ZNF652: variants seen among roughly 807,000 people sequenced by gnomAD.
The protein encoded by ZNF652 is zinc finger protein 652.
In ZNF652, 16 loss-of-function variants were observed where a neutral mutation model predicts 45.2. The ratio of observed to expected loss-of-function variants is 0.35; its 90% CI spans 0.24 to 0.54. The LOEUF (loss-of-function observed/expected upper bound fraction) is 0.54. Ranked by LOEUF, ZNF652 falls within the 20% of genes least tolerant of loss-of-function variation. The pLI is 0.91. For synonymous variants in ZNF652, 250 were observed against 260.6 expected (o/e 0.96, Z 0.39); for missense variants, 614 against 765.6 (o/e 0.80, Z 2.34).
rs546089726 is a variant in ZNF652, at chr17:49,358,658, T to G, written c.-259+3251A>C. 2.0e-5 allele frequency among the ~76,000 whole-genome samples: 3 copies of G among 152,288 alleles called. No homozygotes were observed. In the East Asian group the frequency reaches 5.8e-4, roughly 29 times the overall value. On this transcript the variant is annotated intron_variant, in intron 1 of 5. Transcript: ENST00000430262. ...CAAAAACAAAATCACATCAGTAGCATTACTAATCAACTTTTTTTTTCTACA... is the reference window on the plus strand; with the variant it reads ...CAAAAACAAAATCACATCAGTAGCAGTACTAATCAACTTTTTTTTTCTACA...
intron 1 of ZNF652, among the ~76,000 whole-genome samples, chr17:49,332,828 A>G (rs1449412315): frequency 2.0e-5 from 3 of 151,770 alleles, no homozygotes; most frequent in Non-Finnish European, 1.5e-5. Flanking sequence ...ATTTTTCTCT[A>G]CCTCTTTCCT....
intron 5 of ZNF652, among the ~76,000 whole-genome samples, chr17:49,304,878 G>GTGTGTA (rs946241503): frequency 1.0e-4 from 15 of 149,226 alleles, no homozygotes; most frequent in African/African-American, 3.0e-4. Context: ...ATATATATGT[G>GTGTGTA]TATATATATA....
intron 5 of ZNF652, among the ~76,000 whole-genome samples, chr17:49,308,171 T>A (rs908990521): frequency 6.6e-6 from 1 of 152,166 alleles, no homozygotes; most frequent in Non-Finnish European, 1.5e-5. Flanking sequence ...AAGTATGTGT[T>A]ACTCTTTTTT....
intron 5 of ZNF652, among the ~76,000 whole-genome samples, chr17:49,306,329 G>A (rs2069628213): frequency 6.6e-6 from 1 of 152,164 alleles, no homozygotes; most frequent in Admixed American, 6.5e-5. Flanking sequence ...AAATAAACAT[G>A]TTCACTCTTA....
At chr17:49,347,563 T>A (rs1388133727) in intron 1 of ZNF652, among the ~76,000 whole-genome samples, 2 of 151,984 alleles carry the variant, frequency 1.3e-5, no homozygotes, top group Non-Finnish European at 1.5e-5. Flanking sequence ...AGACTCTGTC[T>A]TTAAATATAT....
At chr17:49,324,242 T>C (rs936861403) in intron 1 of ZNF652, among the ~76,000 whole-genome samples, 1 of 152,222 alleles carries the variant, frequency 6.6e-6, no homozygotes, top group Non-Finnish European at 1.5e-5. Flanking sequence ...ACTTTTCTTC[T>C]GTAGCTTCCT....
At chr17:49,334,865 G>C (rs2070063632) in intron 1 of ZNF652, among the ~76,000 whole-genome samples, 1 of 151,742 alleles carries the variant, frequency 6.6e-6, no homozygotes, top group Admixed American at 6.6e-5. Flanking sequence ...AAAGAAGCCA[G>C]ACATAACAGG....
chr17:49,327,500 G>A (rs191046239), intron 1 of ZNF652, among the ~76,000 whole-genome samples: 1 of 151,594 alleles, frequency 6.6e-6, no homozygotes, highest in East Asian at 2.0e-4. Context: ...AAACATTTAT[G>A]AAGTGCCTAC....
chr17:49,318,785 G>T (rs555646744), intron 1 of ZNF652, among the ~76,000 whole-genome samples: 1 of 152,320 alleles, frequency 6.6e-6, no homozygotes, highest in African/African-American at 2.4e-5. Context: ...AACAAAGGGG[G>T]TAGTGGGGCA....
At chr17:49,312,159 CTTTTTTTTTTT>C (rs34553823) in intron 3 of ZNF652, 117 bp from the exon 4 acceptor site, 14 of 139,094 alleles carry the variant, frequency 1.0e-4, no homozygotes, top group Middle Eastern at 3.6e-3. Context: ...ATTTGTGAGG[CTTTTTTTTTTT>C]TTTTTTTTTT....
chr17:49,344,178 G>A (rs1320575796), intron 1 of ZNF652, among the ~76,000 whole-genome samples: 1 of 150,162 alleles, frequency 6.7e-6, no homozygotes, highest in Non-Finnish European at 1.5e-5. Context: ...TCCAGCCTGG[G>A]GGACAGAGCG....
intron 1 of ZNF652, among the ~76,000 whole-genome samples, chr17:49,333,494 G>T (rs1157498461): frequency 1.4e-5 from 2 of 143,804 alleles, no homozygotes. Context: ...TGGATCACAA[G>T]GTCAGGAGAT....
intron 1 of ZNF652, among the ~76,000 whole-genome samples, chr17:49,324,134 C>T (rs1391962194): frequency 6.6e-6 from 1 of 152,224 alleles, no homozygotes; most frequent in African/African-American, 2.4e-5. Context: ...CTTGCTGGAG[C>T]TTCTACATCA....
chr17:49,356,841 T>C (rs2070342774), intron 1 of ZNF652, among the ~76,000 whole-genome samples: 1 of 152,170 alleles, frequency 6.6e-6, no homozygotes, highest in Non-Finnish European at 1.5e-5. Flanking sequence ...GCTCACAGAC[T>C]TATCACAACG....
At chr17:49,334,412 A>G (rs2070058742) in intron 1 of ZNF652, among the ~76,000 whole-genome samples, 1 of 152,044 alleles carries the variant, frequency 6.6e-6, no homozygotes, top group South Asian at 2.1e-4. Flanking sequence ...TGAGCCTGGG[A>G]GGTTGAGGCT....
chr17:49,325,179 C>T (rs1046035419), intron 1 of ZNF652, among the ~76,000 whole-genome samples: 1 of 152,116 alleles, frequency 6.6e-6, no homozygotes, highest in Non-Finnish European at 1.5e-5. Context: ...TGATTTCTAG[C>T]TTTTGATTTA....
At chr17:49,324,854 C>T (rs2069939706) in intron 1 of ZNF652, among the ~76,000 whole-genome samples, 1 of 151,118 alleles carries the variant, frequency 6.6e-6, no homozygotes, top group African/African-American at 2.4e-5. Flanking sequence ...ATTTCTCCTG[C>T]CTCAGCCTAC....
intron 1 of ZNF652, among the ~76,000 whole-genome samples, chr17:49,335,444 T>G (rs1425355939): frequency 6.6e-6 from 1 of 152,122 alleles, no homozygotes; most frequent in East Asian, 1.9e-4. Context: ...TGATTATTTG[T>G]GTCTATTCTG....
chr17:49,338,703 T>C lies in ZNF652; in HGVS notation c.-258-20720A>G, dbSNP rs140081359. On this transcript the variant is annotated intron_variant, in intron 1 of 5. Transcript: ENST00000430262. ...CTGATCAAAGGAAAAGTCAACACTA[T>C]AGCTACATATTTAGGAGATATCAGC... is the stretch of plus-strand genomic sequence containing the variant. 3.3e-5 allele frequency among the ~76,000 whole-genome samples: 5 copies of C among 152,244 alleles called. No homozygotes were observed. In the East Asian group the frequency reaches 7.7e-4, roughly 24 times the overall value.
Sources: gnomAD v4.1 joint callset for allele counts (sites outside exome capture counted in the v4.1 genomes callset) on GRCh38, gnomAD v4.1.1 for gene constraint, MANE v1.5 for transcripts, NCBI Gene and HGNC (gene_info 2026-07-23, HGNC 2026-07-21) for gene names.